The following ALKBH3 variants were observed in gnomAD, a reference collection of about 807,000 sequenced individuals.
ALKBH3 encodes alpha-ketoglutarate-dependent dioxygenase alkB homolog 3.
A neutral mutation model predicts 43.9 loss-of-function variants in ALKBH3; 51 were observed. The observed-to-expected ratio is 1.16, with a 90% CI of 0.93 to 1.47. ALKBH3 has a LOEUF of 1.47. Among genes scored for constraint, ALKBH3 ranks in the 40% most tolerant of loss-of-function variants. The pLI is 0.00. For synonymous variants in ALKBH3, 102 were observed against 115.2 expected, an observed-to-expected ratio of 0.89 and a Z score of 0.73; for missense variants, 361 against 351.9, an observed-to-expected ratio of 1.03 and a Z score of -0.21.
intron 7 of ALKBH3, 134 bp downstream of exon 7, chr11:43,892,263 A>G (rs769379582): frequency 1.7e-5 from 12 of 707,826 alleles, no homozygotes; most frequent in Non-Finnish European, 2.3e-5. Context: ...GGGTTGAAAC[A>G]TTGAGTCTTT....
At chr11:43,889,454 A>G (rs554895825) in intron 5 of ALKBH3, among the ~76,000 whole-genome samples, 20 of 152,294 alleles carry the variant, frequency 1.3e-4, no homozygotes, top group Admixed American at 7.8e-4. Context: ...GTACTGAAAT[A>G]CTGTTTGAAT....
Position 43,920,211 on chromosome 11 carries a change from A to G in ALKBH3, c.*201A>G. The G allele has an allele frequency of 1.8e-6, 1 of 543,958 alleles. No individual in the cohort carries two copies. The highest frequency in any genetic ancestry group is 3.3e-6 in the Non-Finnish European group (1 of 305,116). 33.7% of individuals were successfully genotyped at this position (543,958 alleles called of 1,614,324 possible). A position where few individuals can be genotyped will look rare whatever the true frequency, so the allele number is the denominator to read the frequency against. ...GTCTACTGTGGGAACAGTTATCCCT[A>G]ACCACAGCTCAAAATCGCTATCATC... On this transcript the variant is annotated 3_prime_UTR_variant, in exon 10 of 10. Transcript: ENST00000302708.
chr11:43,882,925 C>T lies in ALKBH3; in HGVS notation c.80-160C>T, dbSNP rs1438746626. ...GTCTTTAATGTTCCTCATATTTAGT[C>T]CACACCCTCAAACCTTTCAGTATCT... On this transcript the variant is annotated intron_variant, in intron 2 of 9. Transcript: ENST00000302708. 3 of 812,868 alleles carry T rather than the reference C, an allele frequency of 3.7e-6. No individual in the cohort carries two copies. In the South Asian group the frequency reaches 5.6e-5, roughly 15 times the overall value. The allele number at this position is 812,868 out of a possible 1,614,324, so 50.4% of individuals were successfully genotyped here.
rs970884747 is a variant in ALKBH3, at chr11:43,899,485, C to T, written c.460-2031C>T. On this transcript the variant is annotated intron_variant, in intron 7 of 9. Coordinates refer to ENST00000302708, the MANE Select transcript of ALKBH3 (RefSeq NM_139178.4). Reference sequence around the variant, plus strand: ...GTTCCATGACGAGCCTGGAGTCCAGCCACAGTGGCTTCTCCCAGTTGAGTG... The same window carrying T: ...GTTCCATGACGAGCCTGGAGTCCAGTCACAGTGGCTTCTCCCAGTTGAGTG... 1.6e-4 allele frequency: 111 copies of T among 704,096 alleles called. 2 individuals carry two copies. The highest frequency in any genetic ancestry group is 8.1e-4 in the South Asian group (56 of 68,766). 43.6% of individuals were successfully genotyped at this position (704,096 alleles called of 1,614,324 possible).
At chr11:43,900,721 C>T (rs1951857636) in intron 7 of ALKBH3, among the ~76,000 whole-genome samples, 1 of 152,294 alleles carries the variant, frequency 6.6e-6, no homozygotes, top group South Asian at 2.1e-4. Context: ...GAAAAGCATT[C>T]TAGCAAGAAC....
At position 43,919,069 on chromosome 11, in the gene ALKBH3, G is replaced by T; in HGVS notation, c.701G>T (p.Arg234Ile). 6.2e-7 allele frequency: 1 copy of T among 1,612,638 alleles called. No homozygotes were observed. ...EENGDYTYVERVKIPLDHGTL... is the reference protein window; with the variant it reads ...EENGDYTYVEIVKIPLDHGTL... ...AATGGAGACTACACATATGTGGAAA[G>T]AGTGAAGATACCCTTGGATCATGGG... The change falls in exon 9 of 10, where the codon AGA becomes ATA. Residue 234 changes from arginine (R) to isoleucine (I), a missense_variant. Physicochemically the swap from Arg to Ile is moderately conservative, Grantham distance 97 (BLOSUM62 -3). Transcript: ENST00000302708.
intron 7 of ALKBH3, among the ~76,000 whole-genome samples, chr11:43,901,219 T>C (rs1439986577): frequency 6.6e-6 from 1 of 152,218 alleles, no homozygotes; most frequent in South Asian, 2.1e-4. Flanking sequence ...GCAAAGGCCA[T>C]GTATTTGACA....
At chr11:43,899,021 A>G in intron 7 of ALKBH3, 1 of 751,544 alleles carries the variant, frequency 1.3e-6, no homozygotes. Context: ...GCATCTTCAA[A>G]GGAGCCCCAC....
At chr11:43,885,465 C>T (rs1375434537) in intron 4 of ALKBH3, among the ~76,000 whole-genome samples, 2 of 152,218 alleles carry the variant, frequency 1.3e-5, no homozygotes, top group African/African-American at 2.4e-5. Context: ...AAAAGCCTAG[C>T]TCAGAGATCA....
At chr11:43,905,808 G>T (rs1420536300) in intron 8 of ALKBH3, among the ~76,000 whole-genome samples, 2 of 152,084 alleles carry the variant, frequency 1.3e-5, no homozygotes, top group East Asian at 3.8e-4. Flanking sequence ...TTGTGTTCCT[G>T]TTTGCAAAGA....
At chr11:43,892,803 G>A (rs1951793287) in intron 7 of ALKBH3, among the ~76,000 whole-genome samples, 1 of 152,190 alleles carries the variant, frequency 6.6e-6, no homozygotes, top group Non-Finnish European at 1.5e-5. Flanking sequence ...TTTTGCTTAT[G>A]GCATTGGGAT....
At chr11:43,883,845 T>C (rs979087966) in intron 3 of ALKBH3, 138 bp from the exon 4 acceptor site, 7 of 924,154 alleles carry the variant, frequency 7.6e-6, no homozygotes, top group South Asian at 1.7e-5. Flanking sequence ...CAAGGGTCTC[T>C]AGTGGGTTAG....
chr11:43,881,600 C>G (rs1001739078), intron 1 of ALKBH3, among the ~76,000 whole-genome samples: 2 of 152,188 alleles, frequency 1.3e-5, no homozygotes, highest in African/African-American at 4.8e-5. Flanking sequence ...GCCTCTGCGT[C>G]TCTCCACCTA....
rs2271816 is a variant in ALKBH3, at chr11:43,883,967, G to T, written c.184-16G>T. On this transcript the variant is annotated splice_polypyrimidine_tract_variant and intron_variant, in intron 3 of 9. Transcript: ENST00000302708. The stretch of plus-strand genomic sequence containing the variant: ...TAAGAACATCCCAGAAGTAAGATCC[G>T]CCTATTTCCTTGCAGGTAGTACGTA... The T allele has an allele frequency of 4.8e-3, 7,812 of 1,613,252 alleles. 188 individuals are homozygous for T. The East Asian group carries it at 0.067, about 14-fold the overall frequency.
At chr11:43,882,520 C>G in intron 1 of ALKBH3, 63 bp from the exon 2 acceptor site, 1 of 698,786 alleles carries the variant, frequency 1.4e-6, no homozygotes, top group South Asian at 2.2e-5. Context: ...ATTAATTATG[C>G]CTTAGGAGTA....
intron 7 of ALKBH3, among the ~76,000 whole-genome samples, chr11:43,895,684 T>C (rs1470267431): frequency 1.3e-5 from 2 of 152,208 alleles, no homozygotes; most frequent in Non-Finnish European, 2.9e-5. Flanking sequence ...TTCATAATAA[T>C]ACTAAGTCTG....
At chr11:43,883,483 C>T (rs1565121931) in intron 3 of ALKBH3, among the ~76,000 whole-genome samples, 1 of 152,166 alleles carries the variant, frequency 6.6e-6, no homozygotes, top group Non-Finnish European at 1.5e-5. Context: ...TAAAACTGTG[C>T]TGTCTTCAGT....
chr11:43,886,763 C>T, intron 5 of ALKBH3, 110 bp downstream of exon 5: 2 of 1,048,006 alleles, frequency 1.9e-6, no homozygotes, highest in Non-Finnish European at 2.8e-6. Context: ...TTATGGAATA[C>T]TATGCAGCCA....
rs116164249 is a variant in ALKBH3, at chr11:43,907,942, G to A, written c.669+6217G>A. On this transcript the variant is annotated intron_variant, in intron 8 of 9. Coordinates refer to ENST00000302708, the MANE Select transcript of ALKBH3 (RefSeq NM_139178.4). ...GGAGCCTGGACTAGAAAGAAACAAG[G>A]AGGCCAATTAGGACATTGTTAGATT... Among the ~76,000 whole-genome samples the A allele has an allele frequency of 8.1e-3, 1,228 of 152,308 alleles. 13 individuals carry two copies. Among genetic ancestry groups the A allele is most frequent in the African/African-American group, 0.028 (1,158 of 41,554 alleles).
Sources: allele counts gnomAD v4.1 joint callset (sites outside exome capture counted in the v4.1 genomes callset), GRCh38; gene constraint gnomAD v4.1.1; transcripts MANE v1.5; gene names NCBI Gene and HGNC (gene_info 2026-07-23, HGNC 2026-07-21).